Variants in UTRN observed in about 807,000 individuals in gnomAD.
UTRN encodes utrophin, also known as dystrophin-related protein 1.
A neutral mutation model predicts 463.9 loss-of-function variants in UTRN; 283 were observed. The ratio of observed to expected loss-of-function variants is 0.61; its 90% confidence interval spans 0.55 to 0.67. The LOEUF (loss-of-function observed/expected upper bound fraction) is 0.67, where lower values mean the gene tolerates loss of function less well. Ranked by LOEUF, UTRN falls within the 30% of genes least tolerant of loss-of-function variation. The pLI, the probability that UTRN is intolerant of heterozygous loss-of-function variation, is 0.00. For synonymous variants in UTRN, 1,442 were observed against 1,431.5 expected (o/e 1.01, Z -0.17); for missense variants, 3,922 against 4,084.3 (o/e 0.96, Z 1.08).
chr6:144,583,421 T>A, intron 51 of UTRN: 1 of 637,838 alleles, frequency 1.6e-6, no homozygotes, highest in East Asian at 2.8e-5. Context: ...CATTGTCCAG[T>A]GACCGGGAGG....
intron 47 of UTRN, among the ~76,000 whole-genome samples, chr6:144,549,380 G>A (rs770883502): frequency 2.6e-5 from 4 of 152,170 alleles, no homozygotes; most frequent in African/African-American, 4.8e-5. Flanking sequence ...GGTAGAAATT[G>A]GGAAACTACA....
At chr6:144,759,997 G>T (rs1792470484) in intron 58 of UTRN, among the ~76,000 whole-genome samples, 1 of 151,800 alleles carries the variant, frequency 6.6e-6, no homozygotes, top group Non-Finnish European at 1.5e-5. Flanking sequence ...TCTAGTTTTT[G>T]GGTTTTACTA....
At chr6:144,502,334 C>T (rs1003642602) in intron 34 of UTRN, among the ~76,000 whole-genome samples, 2 of 151,526 alleles carry the variant, frequency 1.3e-5, no homozygotes, top group African/African-American at 4.9e-5. Flanking sequence ...TAGGTATACA[C>T]GTGCCATGGT....
intron 51 of UTRN, among the ~76,000 whole-genome samples, chr6:144,664,956 T>C (rs1387598324): frequency 6.6e-6 from 1 of 152,086 alleles, no homozygotes. Context: ...GAGCTCCTGA[T>C]AATAATTCTG....
Position 144,285,555 on chromosome 6 carries a change from T to A in UTRN, c.-359T>A, listed in dbSNP as rs1385474820. The A allele has an allele frequency of 6.6e-6, 1 of 152,276 alleles. No homozygotes were observed. The highest frequency in any genetic ancestry group is 1.5e-5 in the Non-Finnish European group (1 of 68,070). The allele number at this position is 152,276 out of a possible 1,614,324, so 9.4% of individuals were successfully genotyped here. A position where few individuals can be genotyped will look rare whatever the true frequency, so the allele number is the denominator to read the frequency against. ...AGGTTTGCGCTTTGACTGTTTTGTT[T>A]TTGGCGGAACTACCAGGCAGGAAGA... is the stretch of plus-strand genomic sequence containing the variant. On this transcript the variant is annotated 5_prime_UTR_variant, in exon 1 of 75. Transcript: ENST00000367545.
At chr6:144,323,493 A>G (rs903693327) in intron 2 of UTRN, among the ~76,000 whole-genome samples, 2 of 152,202 alleles carry the variant, frequency 1.3e-5, no homozygotes, top group African/African-American at 4.8e-5. Flanking sequence ...GGGATTTTAA[A>G]CATTCTTACA....
rs746963391 is a variant in UTRN at position 144,820,958 on chromosome 6, A to G, written c.9434A>G (p.Lys3145Arg). 1.2e-6 allele frequency: 2 copies of G among 1,613,948 alleles called. No individual in the cohort carries two copies. Among genetic ancestry groups the G allele is most frequent in the Admixed American group, 1.7e-5 (1 of 60,020 alleles). The change falls in exon 66 of 75, where the codon AAA becomes AGA. Residue 3145 changes from lysine to arginine, a missense_variant. Coordinates refer to ENST00000367545, the MANE Select transcript of UTRN (RefSeq NM_007124.3). Reference protein sequence around the residue: ...NKFRSKKYFAKHPRLGYLPVQ... With the variant: ...NKFRSKKYFARHPRLGYLPVQ... ...TTCAGGTCGAAGAAGTACTTTGCCAAACACCCTCGACTTGGTTACCTGCCT... is the reference window on the plus strand; with the variant it reads ...TTCAGGTCGAAGAAGTACTTTGCCAGACACCCTCGACTTGGTTACCTGCCT...
intron 2 of UTRN, among the ~76,000 whole-genome samples, chr6:144,346,163 G>A (rs976725651): frequency 6.9e-6 from 1 of 143,942 alleles, no homozygotes; most frequent in Non-Finnish European, 1.5e-5. Flanking sequence ...GGGTGAAAGA[G>A]CAAAACTCTG....
chr6:144,719,109 CT>C (rs1554352381), intron 53 of UTRN, among the ~76,000 whole-genome samples: 1 of 152,210 alleles, frequency 6.6e-6, no homozygotes, highest in Non-Finnish European at 1.5e-5. Context: ...TTCCACAGAC[CT>C]ACTTTGTATG....
At chr6:144,325,060 C>T (rs1775892958) in intron 2 of UTRN, among the ~76,000 whole-genome samples, 1 of 152,136 alleles carries the variant, frequency 6.6e-6, no homozygotes, top group Admixed American at 6.5e-5. Context: ...AACTGAATTC[C>T]AACTTGGGAT....
chr6:144,427,116 A>G (rs1785364279), intron 7 of UTRN, among the ~76,000 whole-genome samples: 1 of 152,198 alleles, frequency 6.6e-6, no homozygotes. Flanking sequence ...AAGAACTCAG[A>G]AATTGCTCCA....
intron 35 of UTRN, among the ~76,000 whole-genome samples, chr6:144,512,472 C>T (rs1334023688): frequency 6.6e-6 from 1 of 151,806 alleles, no homozygotes; most frequent in African/African-American, 2.4e-5. Context: ...TATTAGTTCA[C>T]ATTTTCTTTT....
chr6:144,369,486 G>A lies in UTRN; in HGVS notation c.80-33637G>A, dbSNP rs145377343. ...ACAAAAATTAGCTGATTGTGGTGGC[G>A]CGTGCCTCTAGTCCCAGCTACTGGG... On this transcript the variant is annotated intron_variant, in intron 2 of 74. Transcript: ENST00000367545. Among the ~76,000 whole-genome samples the A allele has an allele frequency of 1.2e-3, 185 of 152,272 alleles. 1 individual carries two copies. The highest frequency in any genetic ancestry group is 1.9e-3 in the Non-Finnish European group (126 of 68,030).
chr6:144,745,387 AC>A (rs1213344514), intron 54 of UTRN, among the ~76,000 whole-genome samples: 1 of 151,980 alleles, frequency 6.6e-6, no homozygotes, highest in Admixed American at 6.6e-5. Context: ...TATTTCACAG[AC>A]TTCTAGAAAG....
intron 53 of UTRN, among the ~76,000 whole-genome samples, chr6:144,728,042 A>G (rs550604474): frequency 1.3e-5 from 2 of 150,528 alleles, no homozygotes; most frequent in Non-Finnish European, 3.0e-5. Flanking sequence ...AGAGGTTGCA[A>G]GTGAGCCAAG....
intron 54 of UTRN, among the ~76,000 whole-genome samples, chr6:144,732,217 TA>T (rs1562831958): frequency 1.4e-4 from 5 of 36,790 alleles, no homozygotes; most frequent in East Asian, 1.4e-3. Context: ...CTCTGTTTTA[TA>T]TATATATATA....
intron 52 of UTRN, among the ~76,000 whole-genome samples, chr6:144,698,857 AG>A (rs1784280140): frequency 6.6e-6 from 1 of 152,214 alleles, no homozygotes; most frequent in South Asian, 2.1e-4. Flanking sequence ...AAGAATCTGA[AG>A]GTGCATTTCT....
intron 51 of UTRN, among the ~76,000 whole-genome samples, chr6:144,649,901 G>C (rs1430043868): frequency 2.0e-5 from 3 of 152,140 alleles, no homozygotes; most frequent in Non-Finnish European, 4.4e-5. Context: ...AATACAGAGA[G>C]ACTGGATTCA....
chr6:144,610,788 T>C (rs1409620482), intron 51 of UTRN, among the ~76,000 whole-genome samples: 3 of 152,122 alleles, frequency 2.0e-5, no homozygotes, highest in Admixed American at 2.0e-4. Context: ...AGCAGGAGAA[T>C]CTCTTGAACC....
Sources: allele counts gnomAD v4.1 joint callset (sites outside exome capture counted in the v4.1 genomes callset), GRCh38; gene constraint gnomAD v4.1.1; transcripts MANE v1.5; gene names NCBI Gene and HGNC (gene_info 2026-07-23, HGNC 2026-07-21).